ANKS1B: variants seen among roughly 807,000 people sequenced by gnomAD.
The protein encoded by ANKS1B is ankyrin repeat and sterile alpha motif domain containing 1B, also known as ankyrin repeat and sterile alpha motif domain-containing protein 1B.
Under a neutral mutation model 148.3 loss-of-function variants are expected in ANKS1B, and 36 were observed. The observed-to-expected ratio is 0.24, with a 90% CI of 0.19 to 0.32. ANKS1B has a LOEUF of 0.32. Among genes scored for constraint, ANKS1B ranks in the 10% least tolerant of loss-of-function variants. The pLI is 1.00. For missense variants in ANKS1B, 1,157 were observed against 1,542.6 expected (o/e 0.75, Z 4.19); for synonymous variants, 542 against 560.8 (o/e 0.97, Z 0.47).
At chr12:99,457,296 C>T (rs909283430) in intron 10 of ANKS1B, among the ~76,000 whole-genome samples, 1 of 151,434 alleles carries the variant, frequency 6.6e-6, no homozygotes, top group Non-Finnish European at 1.5e-5. Flanking sequence ...AACAAATCCT[C>T]GAAATACACC....
At chr12:98,945,588 C>A (rs1176094484) in intron 17 of ANKS1B, among the ~76,000 whole-genome samples, 2 of 149,164 alleles carry the variant, frequency 1.3e-5, no homozygotes, top group African/African-American at 5.0e-5. Context: ...CATATTCCAG[C>A]TACCTTTTCC....
At chr12:99,475,550 A>C (rs1472522072) in intron 10 of ANKS1B, among the ~76,000 whole-genome samples, 6 of 151,802 alleles carry the variant, frequency 4.0e-5, no homozygotes, top group Admixed American at 3.9e-4. Flanking sequence ...AAATATTAAA[A>C]GGGCAATTCC....
intron 8 of ANKS1B, among the ~76,000 whole-genome samples, chr12:99,733,607 T>C (rs1411669569): frequency 2.0e-5 from 3 of 152,202 alleles, no homozygotes. Flanking sequence ...CTAAAATACA[T>C]GATGAAACTG....
chr12:99,927,870 T>C (rs527780540), intron 1 of ANKS1B, among the ~76,000 whole-genome samples: 6 of 152,316 alleles, frequency 3.9e-5, no homozygotes, highest in African/African-American at 1.2e-4. Context: ...TAAAAAACAC[T>C]TTAACTGCTA....
At chr12:99,300,384 A>G (rs993267325) in intron 12 of ANKS1B, among the ~76,000 whole-genome samples, 7 of 152,168 alleles carry the variant, frequency 4.6e-5, no homozygotes, top group Non-Finnish European at 7.3e-5. Flanking sequence ...GATGTAGATG[A>G]CATGTTATGC....
intron 12 of ANKS1B, among the ~76,000 whole-genome samples, chr12:99,296,780 A>T (rs1348258504): frequency 6.6e-6 from 1 of 152,212 alleles, no homozygotes; most frequent in Non-Finnish European, 1.5e-5. Flanking sequence ...GATACTAAAT[A>T]TTTGTCGAAT....
chr12:99,551,946 A>C (rs59202431), intron 9 of ANKS1B, among the ~76,000 whole-genome samples: 1 of 151,938 alleles, frequency 6.6e-6, no homozygotes, highest in African/African-American at 2.4e-5. Flanking sequence ...ACCTCCCCCC[A>C]CCACACACAC....
At chr12:99,967,408 T>G (rs2095498072) in intron 1 of ANKS1B, among the ~76,000 whole-genome samples, 1 of 152,092 alleles carries the variant, frequency 6.6e-6, no homozygotes, top group Non-Finnish European at 1.5e-5. Flanking sequence ...AGACTCGGAA[T>G]TTTTCCATTA....
rs4628727 is a variant in ANKS1B at position 98,847,205 on chromosome 12, T to C, written c.2779-15069A>G. On this transcript the variant is annotated intron_variant, in intron 17 of 26. Transcript: ENST00000683438. ...GTTAGTTACTGGAACTATGCTACAG[T>C]AGATCTCTAGAGCTTATTTCTCTTG... is the stretch of plus-strand genomic sequence containing the variant. Among the ~76,000 whole-genome samples, 836 of 152,338 alleles carry C rather than the reference T, an allele frequency of 5.5e-3. 10 individuals are homozygous for C. The highest frequency in any genetic ancestry group is 0.019 in the African/African-American group (803 of 41,576).
chr12:99,666,927 A>T (rs1172134497), intron 8 of ANKS1B, among the ~76,000 whole-genome samples: 2 of 151,410 alleles, frequency 1.3e-5, no homozygotes, highest in East Asian at 3.9e-4. Context: ...CTCTCTTAGC[A>T]AATTTCAAGT....
intron 15 of ANKS1B, among the ~76,000 whole-genome samples, chr12:99,096,791 T>C (rs1263719165): frequency 3.3e-5 from 5 of 152,222 alleles, no homozygotes; most frequent in Admixed American, 3.3e-4. Context: ...ACAGTGAATG[T>C]AATTAAATGT....
At chr12:99,887,584 T>C (rs2092895445) in intron 1 of ANKS1B, among the ~76,000 whole-genome samples, 1 of 152,194 alleles carries the variant, frequency 6.6e-6, no homozygotes, top group African/African-American at 2.4e-5. Flanking sequence ...TCCCAGACTC[T>C]ACCATATACA....
chr12:99,684,808 C>T (rs915629490), intron 8 of ANKS1B, among the ~76,000 whole-genome samples: 2 of 151,922 alleles, frequency 1.3e-5, no homozygotes, highest in Non-Finnish European at 2.9e-5. Flanking sequence ...ACAAAGCAAA[C>T]AAAAATATAA....
At chr12:99,468,347 T>C (rs920429048) in intron 10 of ANKS1B, among the ~76,000 whole-genome samples, 3 of 151,926 alleles carry the variant, frequency 2.0e-5, no homozygotes, top group Middle Eastern at 3.4e-3. Flanking sequence ...TAGAAGAAAA[T>C]CTAGGCATTA....
chr12:99,654,683 T>C (rs1439842422), intron 9 of ANKS1B, among the ~76,000 whole-genome samples: 1 of 152,108 alleles, frequency 6.6e-6, no homozygotes, highest in Admixed American at 6.5e-5. Context: ...ATGTGAAAAA[T>C]ATAATCACTG....
intron 10 of ANKS1B, 96 bp from the exon 11 acceptor site, chr12:99,443,905 T>C (rs2095590903): frequency 3.6e-6 from 5 of 1,379,708 alleles, no homozygotes; most frequent in Non-Finnish European, 4.9e-6. Flanking sequence ...GATTTCAACT[T>C]TTAAAACTGG....
chr12:98,937,350 G>A (rs764394816), intron 17 of ANKS1B, among the ~76,000 whole-genome samples: 1 of 151,890 alleles, frequency 6.6e-6, no homozygotes, highest in African/African-American at 2.4e-5. Context: ...CGAGGGCCTG[G>A]TGGCCTCCAG....
intron 1 of ANKS1B, among the ~76,000 whole-genome samples, chr12:99,883,057 G>A (rs1352448): frequency 6.6e-6 from 1 of 152,142 alleles, no homozygotes; most frequent in African/African-American, 2.4e-5. Context: ...ATATGCAAAT[G>A]TGGAACATCA....
intron 8 of ANKS1B, among the ~76,000 whole-genome samples, chr12:99,716,271 G>C (rs1175729815): frequency 6.6e-6 from 1 of 151,006 alleles, no homozygotes; most frequent in Admixed American, 6.6e-5. Context: ...TCTGCGCCCC[G>C]ATCCCTTATT....
Sources: allele counts gnomAD v4.1 joint callset (sites outside exome capture counted in the v4.1 genomes callset), GRCh38; gene constraint gnomAD v4.1.1; transcripts MANE v1.5; gene names NCBI Gene and HGNC (gene_info 2026-07-23, HGNC 2026-07-21).